The following MACROD2 variants were observed in gnomAD, a reference collection of about 807,000 sequenced individuals.
The protein encoded by MACROD2 is mono-ADP ribosylhydrolase 2.
A neutral mutation model predicts 70.4 loss-of-function variants in MACROD2; 36 were observed. The ratio of observed to expected loss-of-function variants is 0.51; its 90% CI spans 0.39 to 0.68. The LOEUF (loss-of-function observed/expected upper bound fraction) is 0.68, where lower values mean the gene tolerates loss of function less well. Ranked by LOEUF, MACROD2 falls within the 30% of genes least tolerant of loss-of-function variation. The probability of loss-of-function intolerance (pLI) is 0.00; values close to 1 mark genes in which losing one functional copy is unlikely to be tolerated. For synonymous variants in MACROD2, 172 were observed against 178.8 expected, an observed-to-expected ratio of 0.96 and a Z score of 0.30; for missense variants, 496 against 538.4, an observed-to-expected ratio of 0.92 and a Z score of 0.78.
chr20:15,330,148 C>T (rs1386089259), intron 6 of MACROD2, among the ~76,000 whole-genome samples: 1 of 152,086 alleles, frequency 6.6e-6, no homozygotes, highest in Non-Finnish European at 1.5e-5. Context: ...TTCATTTTCT[C>T]ATGAAGTCTC....
At chr20:14,702,021 T>C (rs73899256) in intron 5 of MACROD2, among the ~76,000 whole-genome samples, 2 of 152,196 alleles carry the variant, frequency 1.3e-5, no homozygotes, top group Admixed American at 1.3e-4. Flanking sequence ...TCTGCACTTA[T>C]AAATAAGATT....
At chr20:16,015,942 CT>C (rs1249023669) in intron 15 of MACROD2, among the ~76,000 whole-genome samples, 1 of 151,686 alleles carries the variant, frequency 6.6e-6, no homozygotes, top group Non-Finnish European at 1.5e-5. Context: ...ACTTTTTTAT[CT>C]TTGGTTTGGA....
intron 3 of MACROD2, among the ~76,000 whole-genome samples, chr20:14,135,805 T>C (rs555964026): frequency 6.6e-6 from 1 of 152,348 alleles, no homozygotes; most frequent in Admixed American, 6.5e-5. Context: ...CTACCATTGA[T>C]GTGAATTTGT....
At chr20:15,690,520 C>T (rs1216809589) in intron 8 of MACROD2, among the ~76,000 whole-genome samples, 1 of 152,042 alleles carries the variant, frequency 6.6e-6, no homozygotes, top group Admixed American at 6.6e-5. Flanking sequence ...ATCTGAATGT[C>T]GAGGGACCAG....
chr20:14,424,379 C>T (rs1185698989), intron 3 of MACROD2, among the ~76,000 whole-genome samples: 2 of 152,160 alleles, frequency 1.3e-5, no homozygotes, highest in Non-Finnish European at 2.9e-5. Context: ...AGTTTCAGCA[C>T]TGATACCACT....
chr20:15,778,117 A>G (rs1488077412), intron 8 of MACROD2, among the ~76,000 whole-genome samples: 1 of 152,194 alleles, frequency 6.6e-6, no homozygotes, highest in Non-Finnish European at 1.5e-5. Context: ...CGTATGTTAG[A>G]GAAAAGGATA....
chr20:15,729,831 C>CTTTTTTTTTTTTT (rs61542762), intron 8 of MACROD2, among the ~76,000 whole-genome samples: 25,426 of 63,298 alleles, frequency 0.4, 9,388 homozygotes, highest in Middle Eastern at 0.56. Flanking sequence ...TTGGGTCATG[C>CTTTTTTTTTTTTT]TTTTTTTTTT....
intron 5 of MACROD2, among the ~76,000 whole-genome samples, chr20:15,011,752 A>T (rs1237403362): frequency 1.3e-5 from 2 of 152,154 alleles, no homozygotes; most frequent in Non-Finnish European, 2.9e-5. Flanking sequence ...TAATGTGTTT[A>T]AGCTAATCAC....
intron 5 of MACROD2, among the ~76,000 whole-genome samples, chr20:14,898,529 C>G (rs2073857421): frequency 6.6e-6 from 1 of 152,098 alleles, no homozygotes; most frequent in Non-Finnish European, 1.5e-5. Context: ...GAGTTCGAGA[C>G]CAGCCTGGCC....
intron 5 of MACROD2, among the ~76,000 whole-genome samples, chr20:14,753,290 C>G (rs1358813306): frequency 1.3e-5 from 2 of 152,010 alleles, no homozygotes; most frequent in East Asian, 3.9e-4. Flanking sequence ...AATCTTTCTG[C>G]CCTCTGGACT....
chr20:14,543,387 T>TTA (rs1455668989), intron 4 of MACROD2, among the ~76,000 whole-genome samples: 5 of 152,216 alleles, frequency 3.3e-5, no homozygotes, highest in Non-Finnish European at 5.9e-5. Context: ...CCTGGTCTCT[T>TTA]TAAGTTTTAC....
At chr20:14,355,914 G>T (rs2083167926) in intron 3 of MACROD2, among the ~76,000 whole-genome samples, 1 of 152,122 alleles carries the variant, frequency 6.6e-6, no homozygotes. Flanking sequence ...GGAGGGAGTA[G>T]AACATTTGGT....
intron 2 of MACROD2, among the ~76,000 whole-genome samples, chr20:14,036,820 C>T (rs1299195186): frequency 6.6e-6 from 1 of 152,178 alleles, no homozygotes; most frequent in African/African-American, 2.4e-5. Flanking sequence ...TGCACCACCA[C>T]GCCTAGCCAC....
At chr20:14,345,389 A>G (rs2083053178) in intron 3 of MACROD2, among the ~76,000 whole-genome samples, 1 of 152,208 alleles carries the variant, frequency 6.6e-6, no homozygotes, top group African/African-American at 2.4e-5. Flanking sequence ...GAAAGTATAA[A>G]TAGCCTTCTA....
intron 8 of MACROD2, among the ~76,000 whole-genome samples, chr20:15,589,303 G>C (rs1280284890): frequency 1.3e-5 from 2 of 152,170 alleles, no homozygotes; most frequent in Admixed American, 1.3e-4. Context: ...TTCAAGTTGA[G>C]ATTTGAATGA....
At chr20:15,193,017 G>A (rs767095125) in intron 5 of MACROD2, among the ~76,000 whole-genome samples, 1 of 152,126 alleles carries the variant, frequency 6.6e-6, no homozygotes, top group Non-Finnish European at 1.5e-5. Flanking sequence ...TGGTGGCCTG[G>A]TTGAAAGTTG....
chr20:15,857,130 T>C (rs2064365611), intron 8 of MACROD2, among the ~76,000 whole-genome samples: 1 of 152,132 alleles, frequency 6.6e-6, no homozygotes, highest in African/African-American at 2.4e-5. Context: ...TCTTATACAA[T>C]TGTGGGAGAA....
At chr20:15,592,188 TG>T (rs897797110) in intron 8 of MACROD2, among the ~76,000 whole-genome samples, 4 of 152,212 alleles carry the variant, frequency 2.6e-5, no homozygotes, top group Admixed American at 2.6e-4. Flanking sequence ...TAAGACCTCA[TG>T]GGGTAGCTGA....
intron 8 of MACROD2, among the ~76,000 whole-genome samples, chr20:15,739,981 A>G (rs540708233): frequency 5.9e-5 from 9 of 152,360 alleles, no homozygotes; most frequent in African/African-American, 1.9e-4. Flanking sequence ...CAAGATATGC[A>G]AACCACTGTA....
Sources: gnomAD v4.1 joint callset for allele counts (sites outside exome capture counted in the v4.1 genomes callset) on GRCh38, gnomAD v4.1.1 for gene constraint, MANE v1.5 for transcripts, NCBI Gene and HGNC (gene_info 2026-07-23, HGNC 2026-07-21) for gene names.